Variants in SPATA31H1 observed in about 807,000 individuals in gnomAD.
SPATA31H1 encodes the protein SPATA31 subfamily H member 1.
the SPATA31H1 span, chr2:27,567,047 A>G: frequency 1.4e-6 from 1 of 717,478 alleles, no homozygotes. Flanking sequence ...AGCCCCAGAA[A>G]TCAAAAATTT....
At chr2:27,557,827 A>C in the SPATA31H1 span, among the ~76,000 whole-genome samples, 93 of 12,762 alleles carry the variant, frequency 7.3e-3, no homozygotes, top group South Asian at 0.02. Context: ...GACCCCCCCC[A>C]CCTCCCTCCC....
At chr2:27,566,714 A>T in the SPATA31H1 span, 16 of 607,282 alleles carry the variant, frequency 2.6e-5, no homozygotes, top group Non-Finnish European at 4.2e-5. Context: ...GCAAACTGAA[A>T]CATTTCTCTT....
At chr2:27,557,818 AC>A in the SPATA31H1 span, among the ~76,000 whole-genome samples, 148 of 20,264 alleles carry the variant, frequency 7.3e-3, no homozygotes, top group Admixed American at 9.2e-3. Context: ...CGGGGGGCTG[AC>A]CCCCCCCACC....
At chr2:27,554,133 A>G in the SPATA31H1 span, among the ~76,000 whole-genome samples, 1 of 151,862 alleles carries the variant, frequency 6.6e-6, no homozygotes, top group Admixed American at 6.6e-5. Context: ...TTCTACAAAC[A>G]TTGTGTTCGT....
chr2:27,558,683 G>A, the SPATA31H1 span, among the ~76,000 whole-genome samples: 1 of 31,488 alleles, frequency 3.2e-5, no homozygotes. Context: ...CGGATCACTC[G>A]CGGCTAGGAG....
chr2:27,547,319 G>A, the SPATA31H1 span, among the ~76,000 whole-genome samples: 2 of 151,680 alleles, frequency 1.3e-5, no homozygotes, highest in Admixed American at 6.6e-5. Context: ...GATTACAGGT[G>A]CACACCACCA....
chr2:27,580,208 T>C, the SPATA31H1 span: 1 of 1,614,188 alleles, frequency 6.2e-7, no homozygotes, highest in South Asian at 1.1e-5. Context: ...AGAGTCCTAC[T>C]TCCACAATAG....
chr2:27,580,781 C>A, the SPATA31H1 span: 2 of 1,614,196 alleles, frequency 1.2e-6, no homozygotes, highest in Non-Finnish European at 8.5e-7. Flanking sequence ...GCTTACCAAG[C>A]AGTATCAAAA....
the SPATA31H1 span, chr2:27,565,199 T>C: frequency 1.6e-6 from 1 of 614,414 alleles, no homozygotes; most frequent in Non-Finnish European, 2.9e-6. Context: ...TTACATGTGG[T>C]TATGGATGCC....
the SPATA31H1 span, chr2:27,574,103 C>G: frequency 2.5e-6 from 1 of 398,320 alleles, no homozygotes; most frequent in Non-Finnish European, 4.4e-6. Flanking sequence ...AATCTACAGA[C>G]TTCAAACCTG....
chr2:27,559,859 TA>T, the SPATA31H1 span, among the ~76,000 whole-genome samples: 1 of 152,054 alleles, frequency 6.6e-6, no homozygotes, highest in Non-Finnish European at 1.5e-5. Flanking sequence ...GTATTTTATT[TA>T]TTTTTTTTCT....
the SPATA31H1 span, chr2:27,567,813 T>TATC: frequency 2.5e-6 from 1 of 399,028 alleles, no homozygotes; most frequent in Non-Finnish European, 4.4e-6. Context: ...AAGGCTATCA[T>TATC]ATCAAGTCAA....
At chr2:27,568,701 T>A in the SPATA31H1 span, 1 of 398,836 alleles carries the variant, frequency 2.5e-6, no homozygotes, top group South Asian at 1.3e-4. Flanking sequence ...AAAGCCATGG[T>A]TACACGATGT....
chr2:27,542,345 C>T, the SPATA31H1 span, among the ~76,000 whole-genome samples: 4 of 151,456 alleles, frequency 2.6e-5, no homozygotes, highest in Non-Finnish European at 5.9e-5. Flanking sequence ...TGCAGTGAGC[C>T]GAGATCATAC....
the SPATA31H1 span, chr2:27,576,092 G>A: frequency 2.5e-6 from 1 of 400,492 alleles, no homozygotes; most frequent in Non-Finnish European, 4.4e-6. Context: ...ATTCTTCTGA[G>A]TTGAATCCAG....
the SPATA31H1 span, among the ~76,000 whole-genome samples, chr2:27,555,705 G>A: frequency 0.28 from 42,286 of 151,718 alleles, 6,508 homozygotes; most frequent in East Asian, 0.49. Flanking sequence ...ATCTAGGTAG[G>A]CACTTAGTCT....
At chr2:27,567,688 T>C in the SPATA31H1 span, 2 of 400,390 alleles carry the variant, frequency 5.0e-6, no homozygotes, top group African/African-American at 4.1e-5. Context: ...ACTCCTTTAC[T>C]GAAGAATGAT....
At chr2:27,576,152 C>T in the SPATA31H1 span, 1 of 404,222 alleles carries the variant, frequency 2.5e-6, no homozygotes. Flanking sequence ...TTGCGCCACA[C>T]TTGCAAGGTG....
At chr2:27,557,748 G>A in the SPATA31H1 span, among the ~76,000 whole-genome samples, 1 of 28,580 alleles carries the variant, frequency 3.5e-5, no homozygotes, top group African/African-American at 2.6e-4. Flanking sequence ...CGGACGGGGC[G>A]ACTGGCCAGG....
Sources: allele counts gnomAD v4.1 joint callset (sites outside exome capture counted in the v4.1 genomes callset), GRCh38; gene constraint gnomAD v4.1.1; transcripts MANE v1.5; gene names NCBI Gene and HGNC (gene_info 2026-07-23, HGNC 2026-07-21).